The following RAD21L1 variants were observed in gnomAD, a reference collection of about 807,000 sequenced individuals.
RAD21L1 encodes the protein double-strand-break repair protein rad21-like protein 1.
RAD21L1 carries 47 observed loss-of-function variants against 69.0 expected under a neutral mutation model. The ratio of observed to expected loss-of-function variants is 0.68; its 90% CI spans 0.54 to 0.87. The LOEUF is 0.87. Among genes scored for constraint, RAD21L1 ranks in the 40% least tolerant of loss-of-function variants. The pLI is 0.00. For synonymous variants in RAD21L1, 177 were observed against 205.8 expected (o/e 0.86, Z 1.20); for missense variants, 583 against 647.6 (o/e 0.90, Z 1.08).
At chr20:1,230,470 A>T in intron 3 of RAD21L1, 1 of 706,054 alleles carries the variant, frequency 1.4e-6, no homozygotes, top group Non-Finnish European at 1.7e-6. Context: ...AGAGATTTAC[A>T]TATGTCATAA....
At chr20:1,241,337 A>C (rs760790332) in intron 8 of RAD21L1, among the ~76,000 whole-genome samples, 1 of 152,240 alleles carries the variant, frequency 6.6e-6, no homozygotes, top group Non-Finnish European at 1.5e-5. Flanking sequence ...ATTTAACTTC[A>C]AGCATCATAT....
In RAD21L1 at chr20:1,244,060, CA is replaced by C. The variant is rs1568524274; in HGVS notation, c.1200del (p.Glu401SerfsTer8). The C allele has an allele frequency of 6.5e-7, 1 of 1,549,756 alleles. No individual in the cohort carries two copies. Among genetic ancestry groups the C allele is most frequent in the Non-Finnish European group, 8.7e-7 (1 of 1,145,686 alleles). The part of the protein sequence containing the change: ...NQNIVETSMM[Q>X]EPNYQQELSK... ...TGATAATTCAGAGACATCCATGATGCAAGAGCCAAATTACCAGCAAGAGTTA... is the reference window on the plus strand; with the variant it reads ...TGATAATTCAGAGACATCCATGATGCAGAGCCAAATTACCAGCAAGAGTTA... On this transcript the variant is annotated frameshift_variant, in exon 11 of 14. Transcript: ENST00000683101. LOFTEE classifies it high-confidence loss of function.
chr20:1,241,113 A>G (rs2122833763), intron 8 of RAD21L1, among the ~76,000 whole-genome samples: 1 of 152,360 alleles, frequency 6.6e-6, no homozygotes, highest in African/African-American at 2.4e-5. Context: ...CAAACCATGT[A>G]TCCAGTTTGG....
chr20:1,227,293 A>G (rs960168784), intron 1 of RAD21L1, among the ~76,000 whole-genome samples: 1 of 152,262 alleles, frequency 6.6e-6, no homozygotes, highest in African/African-American at 2.4e-5. Context: ...AGAGCGAAAC[A>G]CACAGACTAA....
intron 6 of RAD21L1, 97 bp downstream of exon 6, chr20:1,238,311 T>G: frequency 1.1e-6 from 1 of 927,302 alleles, no homozygotes; most frequent in Non-Finnish European, 1.5e-6. Flanking sequence ...ATTTCAAATA[T>G]GTTTTTGTGT....
rs909771884 is a variant in RAD21L1 at position 1,226,081 on chromosome 20, A to T, written c.-92A>T. The T allele has an allele frequency of 2.8e-5, 4 of 144,108 alleles. No homozygotes were observed. Among genetic ancestry groups the T allele is most frequent in the Admixed American group, 6.9e-5 (1 of 14,540 alleles). 8.9% of individuals were successfully genotyped at this position (144,108 alleles called of 1,614,324 possible). On this transcript the variant is annotated 5_prime_UTR_variant, in exon 1 of 14. Transcript: ENST00000683101. ...CGGCGCCAAGAACCCGGCCAAGCTG[A>T]CTTGGCGACTCCTCGCAGCCCCTGC...
At chr20:1,239,522 A>C (rs1311091158) in intron 7 of RAD21L1, 115 bp downstream of exon 7, 5 of 621,040 alleles carry the variant, frequency 8.1e-6, no homozygotes, top group African/African-American at 1.8e-5. Context: ...AATGTCTTTC[A>C]GACTCTGTTA....
rs961715259 is a variant in RAD21L1 at position 1,238,206 on chromosome 20, A to G, written c.638A>G (p.Glu213Gly). The change falls in exon 6 of 14, where the codon GAA (glutamate) becomes GGA (glycine). Residue 213 changes from glutamate to glycine, a missense_variant. Physicochemically the swap from Glu to Gly is moderately conservative, Grantham distance 98 (BLOSUM62 -2). Coordinates refer to ENST00000683101, the MANE Select transcript of RAD21L1 (RefSeq NM_001384355.1). ...DGFGDEGAAG[E>G]MIDNLLQDDQ... ...TTTGGAGATGAAGGAGCTGCAGGAG[A>G]AATGATTGGTATGCTATCTGGTCAT... 3 of 1,512,942 alleles carry G rather than the reference A, an allele frequency of 2.0e-6. No individual in the cohort carries two copies. In the African/African-American group the frequency reaches 4.1e-5, roughly 21 times the overall value. The allele number at this position is 1,512,942 out of a possible 1,614,324, so 93.7% of individuals were successfully genotyped here.
In RAD21L1 at chr20:1,250,784, A is replaced by T. The variant is rs562728501; in HGVS notation, c.1479+2081A>T. ...TTCCAAACTCAGACAATATGACCAA[A>T]CTCTGACAAAAATACCATTTTTATG... On this transcript the variant is annotated intron_variant, in intron 13 of 13. Coordinates refer to ENST00000683101, the MANE Select transcript of RAD21L1 (RefSeq NM_001384355.1). Among the ~76,000 whole-genome samples, 4 of 152,132 alleles carry T rather than the reference A, an allele frequency of 2.6e-5. No homozygotes were observed. The East Asian group carries it at 7.7e-4, about 29-fold the overall frequency.
At chr20:1,252,891 G>A (rs990294159) in intron 13 of RAD21L1, among the ~76,000 whole-genome samples, 2 of 152,010 alleles carry the variant, frequency 1.3e-5, no homozygotes, top group African/African-American at 2.4e-5. Flanking sequence ...TATCTCCTTC[G>A]TCACTTTTTC....
At position 1,238,042 on chromosome 20, in the gene RAD21L1, A is replaced by C. The variant is rs1312053442; in HGVS notation, c.476-2A>C. On this transcript the variant is annotated splice_acceptor_variant, in intron 5 of 13. Transcript: ENST00000683101. LOFTEE classifies it high-confidence loss of function. Reference sequence around the variant, plus strand: ...TAGTATTAATGATATATATTTATTTAGGGGAGGAATCTGAAATTCTCAGAA... The same window carrying C: ...TAGTATTAATGATATATATTTATTTCGGGGAGGAATCTGAAATTCTCAGAA... 1 of 1,460,138 alleles carries C rather than the reference A, an allele frequency of 6.8e-7. No individual in the cohort carries two copies. The highest frequency in any genetic ancestry group is 1.4e-5 in the African/African-American group (1 of 71,130). 90.4% of individuals were successfully genotyped at this position (1,460,138 alleles called of 1,614,324 possible).
At chr20:1,230,683 A>T (rs866859786) in intron 3 of RAD21L1, 5 of 436,930 alleles carry the variant, frequency 1.1e-5, no homozygotes, top group Non-Finnish European at 1.5e-5. Flanking sequence ...CATTTCCTCA[A>T]TCAACATTTG....
chr20:1,238,357 A>G, intron 6 of RAD21L1, 143 bp downstream of exon 6: 3 of 549,134 alleles, frequency 5.5e-6, no homozygotes, highest in East Asian at 3.1e-5. Context: ...ACAAGTTTTC[A>G]AAGTCTGTGG....
At chr20:1,229,522 AC>A (rs1356511800) in intron 2 of RAD21L1, among the ~76,000 whole-genome samples, 1 of 152,226 alleles carries the variant, frequency 6.6e-6, no homozygotes, top group Admixed American at 6.5e-5. Context: ...CTCCAAAAAA[AC>A]AATAATAATA....
intron 4 of RAD21L1, among the ~76,000 whole-genome samples, chr20:1,231,951 T>C (rs1169752870): frequency 6.6e-6 from 1 of 152,182 alleles, no homozygotes; most frequent in Non-Finnish European, 1.5e-5. Flanking sequence ...TTAAATTTTA[T>C]TTGGGGTAGC....
chr20:1,246,413 A>C lies in RAD21L1; in HGVS notation c.1401+108A>C, dbSNP rs2122136300. Reference sequence around the variant, plus strand: ...TTTATAGCTGTCATGTTACTTTCTAAATTTATAATTTAAATTTGTGATTAC... The same window carrying C: ...TTTATAGCTGTCATGTTACTTTCTACATTTATAATTTAAATTTGTGATTAC... On this transcript the variant is annotated intron_variant, in intron 12 of 13. Coordinates refer to ENST00000683101, the MANE Select transcript of RAD21L1 (RefSeq NM_001384355.1). This position sits in a 1 kb window ranked among gnomAD's most constrained non-coding sequence, Gnocchi z 4.6. 4.5e-6 allele frequency: 2 copies of C among 441,202 alleles called. No individual in the cohort carries two copies. The highest frequency in any genetic ancestry group is 1.3e-4 in the South Asian group (2 of 15,208). 27.3% of individuals were successfully genotyped at this position (441,202 alleles called of 1,614,324 possible). A position where few individuals can be genotyped will look rare whatever the true frequency, so the allele number is the denominator to read the frequency against.
At chr20:1,248,327 G>T (rs1213050201) in intron 12 of RAD21L1, among the ~76,000 whole-genome samples, 1 of 151,994 alleles carries the variant, frequency 6.6e-6, no homozygotes, top group African/African-American at 2.4e-5. Context: ...TGCTAATTTT[G>T]CTTTTCAAAG....
At chr20:1,230,105 A>C in intron 3 of RAD21L1, 96 bp downstream of exon 3, 3 of 845,418 alleles carry the variant, frequency 3.5e-6, no homozygotes, top group Non-Finnish European at 5.2e-6. Flanking sequence ...AGTATGGTGA[A>C]TGTAAACTTA....
At chr20:1,254,075 G>A (rs1457525777) in intron 13 of RAD21L1, among the ~76,000 whole-genome samples, 194 bp from the exon 14 acceptor site, 6 of 152,100 alleles carry the variant, frequency 3.9e-5, no homozygotes, top group Non-Finnish European at 5.9e-5. Context: ...TGTTCTTCAC[G>A]AACCAAGCTT....
Sources: gnomAD v4.1 joint callset for allele counts (sites outside exome capture counted in the v4.1 genomes callset) on GRCh38, gnomAD v4.1.1 for gene constraint, Gnocchi (gnomAD v3.1) non-coding constraint, MANE v1.5 for transcripts, NCBI Gene and HGNC (gene_info 2026-07-23, HGNC 2026-07-21) for gene names.